CAMK1D: variants seen among roughly 807,000 people sequenced by gnomAD.
CAMK1D encodes the protein calcium/calmodulin-dependent protein kinase type 1D.
CAMK1D carries 9 observed loss-of-function variants against 47.7 expected under a neutral mutation model. The observed-to-expected ratio is 0.19, with a 90% CI of 0.11 to 0.33. The LOEUF (loss-of-function observed/expected upper bound fraction) is 0.33. Ranked by LOEUF, CAMK1D falls within the 10% of genes least tolerant of loss-of-function variation. The probability of loss-of-function intolerance (pLI) is 1.00; values close to 1 mark genes in which losing one functional copy is unlikely to be tolerated. For synonymous variants in CAMK1D, 184 were observed against 184.9 expected, an observed-to-expected ratio of 0.99 and a Z score of 0.04; for missense variants, 291 against 488.7, an observed-to-expected ratio of 0.60 and a Z score of 3.81.
intron 1 of CAMK1D, among the ~76,000 whole-genome samples, chr10:12,381,314 C>T (rs1206885949): frequency 6.6e-6 from 1 of 150,498 alleles, no homozygotes; most frequent in Non-Finnish European, 1.5e-5. Flanking sequence ...TAAAAAATGT[C>T]GGAAGGACTA....
chr10:12,684,116 AGCCCAGCG>A (rs751766537), intron 3 of CAMK1D, among the ~76,000 whole-genome samples: 4 of 152,164 alleles, frequency 2.6e-5, no homozygotes, highest in Non-Finnish European at 4.4e-5. Flanking sequence ...CTTGCTACAG[AGCCCAGCG>A]GCCAGTTTGT....
chr10:12,770,050 G>A (rs1284966641), intron 5 of CAMK1D, among the ~76,000 whole-genome samples: 3 of 152,220 alleles, frequency 2.0e-5, no homozygotes, highest in African/African-American at 7.2e-5. Flanking sequence ...TTTGGTTGTG[G>A]GCCTGACTGG....
At chr10:12,753,022 G>C (rs1310578591) in intron 3 of CAMK1D, among the ~76,000 whole-genome samples, 3 of 152,096 alleles carry the variant, frequency 2.0e-5, no homozygotes, top group South Asian at 2.1e-4. Context: ...GAGGCAGGTG[G>C]ATCACAAGGT....
rs990609121 is a variant in CAMK1D at position 12,829,101 on chromosome 10, A to G, written c.*214A>G. ...TACTGACTCGAGGGGCGCTGATTTC[A>G]TAGGATCTGGTGCTGTATATACGAA... On this transcript the variant is annotated 3_prime_UTR_variant, in exon 11 of 11. Transcript: ENST00000619168. 4 of 515,662 alleles carry G rather than the reference A, an allele frequency of 7.8e-6. No individual in the cohort carries two copies. The highest frequency in any genetic ancestry group is 3.8e-5 in the Admixed American group (1 of 26,304). 31.9% of individuals were successfully genotyped at this position (515,662 alleles called of 1,614,324 possible). A position where few individuals can be genotyped will look rare whatever the true frequency, so the allele number is the denominator to read the frequency against.
At chr10:12,694,268 A>G (rs1172169349) in intron 3 of CAMK1D, among the ~76,000 whole-genome samples, 2 of 79,124 alleles carry the variant, frequency 2.5e-5, no homozygotes, top group South Asian at 8.9e-4. Flanking sequence ...AATATATAAT[A>G]TATATTATAC....
chr10:12,370,363 A>G (rs780485475), intron 1 of CAMK1D, among the ~76,000 whole-genome samples: 1 of 152,150 alleles, frequency 6.6e-6, no homozygotes, highest in African/African-American at 2.4e-5. Flanking sequence ...TGTATTTGCT[A>G]TGCTCTGCTT....
At chr10:12,511,566 G>A (rs191828144) in intron 1 of CAMK1D, among the ~76,000 whole-genome samples, 7 of 152,232 alleles carry the variant, frequency 4.6e-5, no homozygotes, top group East Asian at 1.9e-4. Flanking sequence ...AGTGGTGATC[G>A]CTCCACCACA....
chr10:12,588,291 A>G (rs537924018), intron 2 of CAMK1D, among the ~76,000 whole-genome samples: 77 of 152,334 alleles, frequency 5.1e-4, no homozygotes, highest in African/African-American at 1.8e-3. Flanking sequence ...GAGCTTGTTA[A>G]GAATAATGAT....
intron 1 of CAMK1D, among the ~76,000 whole-genome samples, chr10:12,492,225 G>A (rs1006364458): frequency 1.3e-5 from 2 of 151,954 alleles, no homozygotes; most frequent in African/African-American, 2.4e-5. Flanking sequence ...TGCCCTTCAC[G>A]GTGCCAGGTT....
At chr10:12,680,335 C>T (rs577610967) in intron 3 of CAMK1D, among the ~76,000 whole-genome samples, 21 of 152,292 alleles carry the variant, frequency 1.4e-4, no homozygotes, top group Middle Eastern at 3.4e-3. Context: ...GATAGCTCAG[C>T]GCCTGGTCTC....
chr10:12,424,134 G>A (rs1486180143), intron 1 of CAMK1D, among the ~76,000 whole-genome samples: 1 of 151,996 alleles, frequency 6.6e-6, no homozygotes, highest in Non-Finnish European at 1.5e-5. Flanking sequence ...TAATTCCCAA[G>A]CCCCCTTTCC....
intron 2 of CAMK1D, among the ~76,000 whole-genome samples, chr10:12,656,534 G>C (rs1176699253): frequency 6.6e-6 from 1 of 152,130 alleles, no homozygotes; most frequent in African/African-American, 2.4e-5. Context: ...TTGTGCACAA[G>C]GGTTTTTATT....
At chr10:12,668,874 G>A (rs1840516689) in intron 3 of CAMK1D, among the ~76,000 whole-genome samples, 1 of 151,846 alleles carries the variant, frequency 6.6e-6, no homozygotes, top group African/African-American at 2.4e-5. Flanking sequence ...CCTTCCCTGA[G>A]CTTTTTCTGT....
At chr10:12,598,159 T>C (rs1227358836) in intron 2 of CAMK1D, among the ~76,000 whole-genome samples, 1 of 152,220 alleles carries the variant, frequency 6.6e-6, no homozygotes, top group Non-Finnish European at 1.5e-5. Flanking sequence ...ATTTTCAGTG[T>C]TGCCACGGGA....
intron 1 of CAMK1D, among the ~76,000 whole-genome samples, chr10:12,434,247 G>A (rs1207767805): frequency 6.6e-6 from 1 of 152,170 alleles, no homozygotes; most frequent in Non-Finnish European, 1.5e-5. Context: ...TTGTGACTGG[G>A]TACAGGATGA....
In CAMK1D at chr10:12,453,054, C is replaced by G. The variant is rs137910311; in HGVS notation, c.93-100171C>G. 4.4e-3 allele frequency among the ~76,000 whole-genome samples: 665 copies of G among 152,224 alleles called. 6 individuals are homozygous for G. The highest frequency in any genetic ancestry group is 0.014 in the African/African-American group (601 of 41,552). ...GCCAGCCCCATTCTACTTTCTCCCT[C>G]TATGTATTGGACTACTCTAGGGGCC... On this transcript the variant is annotated intron_variant, in intron 1 of 10. Coordinates refer to ENST00000619168, the MANE Select transcript of CAMK1D (RefSeq NM_153498.4).
intron 1 of CAMK1D, among the ~76,000 whole-genome samples, chr10:12,429,247 C>G (rs1268273286): frequency 6.6e-6 from 1 of 152,184 alleles, no homozygotes; most frequent in Non-Finnish European, 1.5e-5. Flanking sequence ...TCTTCTTTCT[C>G]ATTCTCCAGC....
At chr10:12,574,857 C>T (rs974790029) in intron 2 of CAMK1D, among the ~76,000 whole-genome samples, 7 of 152,050 alleles carry the variant, frequency 4.6e-5, no homozygotes, top group East Asian at 3.9e-4. Context: ...GAGCAGGAGC[C>T]GGAGCGTGAG....
At chr10:12,623,245 CT>C (rs1839075571) in intron 2 of CAMK1D, among the ~76,000 whole-genome samples, 2 of 5,946 alleles carry the variant, frequency 3.4e-4, no homozygotes, top group African/African-American at 7.1e-4. Context: ...TCCTCCCTTC[CT>C]TCCTCCCTCC....
Sources: allele counts gnomAD v4.1 joint callset (sites outside exome capture counted in the v4.1 genomes callset), GRCh38; gene constraint gnomAD v4.1.1; transcripts MANE v1.5; gene names NCBI Gene and HGNC (gene_info 2026-07-23, HGNC 2026-07-21).